Variants in IQCM observed in about 807,000 individuals in gnomAD.
IQCM encodes IQ domain-containing protein M.
IQCM carries 45 observed loss-of-function variants against 57.6 expected under a neutral mutation model. The ratio of observed to expected loss-of-function variants is 0.78; its 90% CI spans 0.62 to 1.00. The LOEUF (loss-of-function observed/expected upper bound fraction) is 1.00, where lower values mean the gene tolerates loss of function less well. Ranked by LOEUF, IQCM falls within the 50% of genes least tolerant of loss-of-function variation. The pLI is 0.00. For missense variants in IQCM, 468 were observed against 511.6 expected (o/e 0.91, Z 0.82); for synonymous variants, 148 against 158.9 (o/e 0.93, Z 0.51).
chr4:149,697,781 A>T (rs56171457), intron 5 of IQCM, among the ~76,000 whole-genome samples: 32,150 of 152,072 alleles, frequency 0.21, 4,253 homozygotes, highest in Non-Finnish European at 0.28. Context: ...CTGCCAGCAG[A>T]ATGTAAGCTT....
chr4:149,522,072 G>T (rs1032669512), intron 12 of IQCM, among the ~76,000 whole-genome samples: 1 of 152,186 alleles, frequency 6.6e-6, no homozygotes, highest in Admixed American at 6.5e-5. Context: ...CTCACTGGGG[G>T]TGTTACAGGG....
intron 2 of IQCM, among the ~76,000 whole-genome samples, chr4:149,783,563 A>C (rs1020425119): frequency 3.3e-5 from 5 of 152,196 alleles, no homozygotes; most frequent in Non-Finnish European, 7.4e-5. Context: ...AACCCTCTGT[A>C]GTGGAAAGAC....
intron 13 of IQCM, among the ~76,000 whole-genome samples, chr4:149,430,422 C>T (rs1734751546): frequency 6.6e-6 from 1 of 151,872 alleles, no homozygotes; most frequent in African/African-American, 2.4e-5. Flanking sequence ...TTACTTTGTA[C>T]ATCCATGAAA....
intron 12 of IQCM, among the ~76,000 whole-genome samples, chr4:149,539,611 G>T (rs1373874445): frequency 6.6e-6 from 1 of 152,124 alleles, no homozygotes; most frequent in African/African-American, 2.4e-5. Context: ...GCTCATGCCT[G>T]TAATCCCAGT....
In IQCM at chr4:149,773,091, C is replaced by T. The variant is rs898850907; in HGVS notation, c.-48-30352G>A. Among the ~76,000 whole-genome samples the T allele has an allele frequency of 4.6e-5, 7 of 152,180 alleles. No individual in the cohort carries two copies. In the South Asian group the frequency reaches 6.2e-4, roughly 14 times the overall value. On this transcript the variant is annotated intron_variant, in intron 2 of 13. Transcript: ENST00000636793. ...TATCGGCCGGGCGTGGTGGCTCACG[C>T]CTCTAATCCCAGCACTTTGGGAGGC...
intron 7 of IQCM, among the ~76,000 whole-genome samples, chr4:149,625,359 A>G (rs572724703): frequency 6.6e-6 from 1 of 152,312 alleles, no homozygotes; most frequent in African/African-American, 2.4e-5. Context: ...TGTAGAGGAG[A>G]AAAAGTAATA....
chr4:149,437,890 T>C (rs1735523974), intron 12 of IQCM, among the ~76,000 whole-genome samples: 1 of 152,128 alleles, frequency 6.6e-6, no homozygotes, highest in Non-Finnish European at 1.5e-5. Context: ...CATTGAACCC[T>C]GGAGATTCCT....
intron 8 of IQCM, among the ~76,000 whole-genome samples, chr4:149,614,624 G>A (rs1024299190): frequency 2.6e-5 from 4 of 151,868 alleles, no homozygotes; most frequent in Non-Finnish European, 1.5e-5. Context: ...CTCATTCTAG[G>A]GCATGGGTGT....
chr4:149,508,673 G>A (rs1195319169), intron 12 of IQCM, among the ~76,000 whole-genome samples: 1 of 152,338 alleles, frequency 6.6e-6, no homozygotes. Flanking sequence ...CCTTGCCTCA[G>A]ATGAGACTTT....
rs1393232961 is a variant in IQCM, at chr4:149,692,215, A to G, written c.386-5747T>C. ...ACCAAATGGTGGAGCTATAAGGTAAACTGTCTATCACACTGTGATTGATGT... is the reference window on the plus strand; with the variant it reads ...ACCAAATGGTGGAGCTATAAGGTAAGCTGTCTATCACACTGTGATTGATGT... On this transcript the variant is annotated intron_variant, in intron 5 of 13. Coordinates refer to ENST00000636793, the MANE Select transcript of IQCM (RefSeq NM_001363507.2). Among the ~76,000 whole-genome samples the G allele has an allele frequency of 4.6e-5, 7 of 152,164 alleles. No individual in the cohort carries two copies. The East Asian group carries it at 1.2e-3, about 25-fold the overall frequency.
chr4:149,635,080 A>G (rs578073218), intron 7 of IQCM, among the ~76,000 whole-genome samples: 1 of 152,336 alleles, frequency 6.6e-6, no homozygotes, highest in South Asian at 2.1e-4. Flanking sequence ...TCCAATGCCA[A>G]GAAAAGTTTG....
chr4:149,509,636 G>GA (rs1744196657), intron 12 of IQCM, among the ~76,000 whole-genome samples: 1 of 152,080 alleles, frequency 6.6e-6, no homozygotes, highest in Non-Finnish European at 1.5e-5. Context: ...GGAGATCTGA[G>GA]AAAAGTCTGC....
At chr4:149,442,112 T>G (rs574083042) in intron 12 of IQCM, among the ~76,000 whole-genome samples, 1 of 152,156 alleles carries the variant, frequency 6.6e-6, no homozygotes, top group Non-Finnish European at 1.5e-5. Context: ...CTATCCTCAT[T>G]TCTAGCTGCT....
chr4:149,554,867 T>A (rs1227390893), intron 10 of IQCM, among the ~76,000 whole-genome samples: 1 of 150,094 alleles, frequency 6.7e-6, no homozygotes, highest in East Asian at 2.0e-4. Flanking sequence ...GCCCGGCTAA[T>A]TTTTTGTGTT....
intron 13 of IQCM, among the ~76,000 whole-genome samples, chr4:149,399,105 A>G (rs1053901155): frequency 2.6e-5 from 4 of 152,074 alleles, no homozygotes; most frequent in Non-Finnish European, 4.4e-5. Flanking sequence ...GACATAGTAA[A>G]TAAACTTGTG....
At chr4:149,801,013 G>A (rs1035871348) in intron 2 of IQCM, among the ~76,000 whole-genome samples, 5 of 151,802 alleles carry the variant, frequency 3.3e-5, no homozygotes, top group African/African-American at 9.7e-5. Flanking sequence ...AAAAGACTCC[G>A]AATAGCCAAA....
chr4:149,621,111 A>C lies in IQCM; in HGVS notation c.681+18T>G, dbSNP rs369494751. On this transcript the variant is annotated intron_variant, in intron 8 of 13. Transcript: ENST00000636793. ...AAAATGGCAATTCAAATCTACATCC[A>C]GTTTTATAAATACTTACAGAATAAT... The C allele has an allele frequency of 4.5e-6, 5 of 1,115,652 alleles. No homozygotes were observed. The African/African-American group carries it at 6.4e-5, about 14-fold the overall frequency. The allele number at this position is 1,115,652 out of a possible 1,614,324, so 69.1% of individuals were successfully genotyped here.
At chr4:149,562,042 A>T (rs1422659354) in intron 10 of IQCM, among the ~76,000 whole-genome samples, 1 of 152,238 alleles carries the variant, frequency 6.6e-6, no homozygotes, top group Non-Finnish European at 1.5e-5. Flanking sequence ...GCTAAAACAC[A>T]GAGAATGTGT....
At position 149,480,550 on chromosome 4, in the gene IQCM, A is replaced by T. The variant is rs185065866; in HGVS notation, c.1229-46993T>A. Among the ~76,000 whole-genome samples the T allele has an allele frequency of 1.2e-4, 19 of 152,306 alleles. No individual in the cohort carries two copies. The East Asian group carries it at 3.5e-3, about 28-fold the overall frequency. On this transcript the variant is annotated intron_variant, in intron 12 of 13. Transcript: ENST00000636793. Reference sequence around the variant, plus strand: ...CTGTGCCTGGTTTATTTCACTTATCATAATGACTTCCAGTTCCGTGTTATT... The same window carrying T: ...CTGTGCCTGGTTTATTTCACTTATCTTAATGACTTCCAGTTCCGTGTTATT...
Sources: allele counts gnomAD v4.1 joint callset (sites outside exome capture counted in the v4.1 genomes callset), GRCh38; gene constraint gnomAD v4.1.1; transcripts MANE v1.5; gene names NCBI Gene and HGNC (gene_info 2026-07-23, HGNC 2026-07-21).